Variants in GLIS3 observed in about 807,000 individuals in gnomAD.
The protein encoded by GLIS3 is GLIS family zinc finger 3.
In GLIS3, 53 loss-of-function variants were observed where a neutral mutation model predicts 78.6. The ratio of observed to expected loss-of-function variants is 0.67; its 90% CI spans 0.54 to 0.85. The LOEUF is 0.85. GLIS3 is among the 40% of genes least tolerant of loss of function. The pLI is 0.00. For synonymous variants in GLIS3, 684 were observed against 509.9 expected, an observed-to-expected ratio of 1.34 and a Z score of -4.60; for missense variants, 1,703 against 1,231.1, an observed-to-expected ratio of 1.38 and a Z score of -5.74.
At chr9:4,285,170 C>G (rs527701275) in intron 2 of GLIS3, among the ~76,000 whole-genome samples, 2 of 152,108 alleles carry the variant, frequency 1.3e-5, no homozygotes, top group African/African-American at 4.8e-5. Flanking sequence ...CTAAAAATAC[C>G]TTAAGGAATA....
At position 4,265,910 on chromosome 9, in the gene GLIS3, TTGTC is replaced by T. The variant is rs1454275952; in HGVS notation, c.388+20124_388+20127del. ...GCACTCACCCTGGTTTTTTTTTTGT[TTGTC>T]TGTTTGTTTGTTTGTTTGTTTGGAG... On this transcript the variant is annotated intron_variant, in intron 2 of 10. Coordinates refer to ENST00000381971, the MANE Select transcript of GLIS3 (RefSeq NM_001042413.2). Among the ~76,000 whole-genome samples the T allele has an allele frequency of 2.1e-3, 169 of 79,950 alleles. 1 individual carries two copies. The highest frequency in any genetic ancestry group is 3.0e-3 in the East Asian group (9 of 3,018). 52.5% of individuals were successfully genotyped at this position (79,950 alleles called of 152,430 possible).
the GLIS3 span, among the ~76,000 whole-genome samples, chr9:4,431,354 G>C: frequency 6.6e-6 from 1 of 152,144 alleles, no homozygotes; most frequent in African/African-American, 2.4e-5. Flanking sequence ...CTACCTACTG[G>C]AAAAAATAAC....
intron 4 of GLIS3, among the ~76,000 whole-genome samples, chr9:3,998,307 A>T (rs901773189): frequency 2.0e-5 from 3 of 152,190 alleles, no homozygotes; most frequent in Non-Finnish European, 2.9e-5. Flanking sequence ...ATGAGGTGTC[A>T]TTCTCCAGAC....
At chr9:4,322,993 A>G (rs551738875) in intron 2 of GLIS3, among the ~76,000 whole-genome samples, 1 of 152,248 alleles carries the variant, frequency 6.6e-6, no homozygotes, top group East Asian at 1.9e-4. Context: ...GCCCATGCCT[A>G]TGTCCTGAAT....
chr9:4,446,982 C>T, the GLIS3 span, among the ~76,000 whole-genome samples: 1 of 152,126 alleles, frequency 6.6e-6, no homozygotes, highest in African/African-American at 2.4e-5. Flanking sequence ...GATTCTTACT[C>T]TGCTACCCTT....
Position 4,261,994 on chromosome 9 carries a change from T to C in GLIS3, c.388+24044A>G, listed in dbSNP as rs574545999. Among the ~76,000 whole-genome samples the C allele has an allele frequency of 3.2e-4, 48 of 152,316 alleles. 1 individual carries two copies. Among genetic ancestry groups the C allele is most frequent in the Non-Finnish European group, 6.0e-4 (41 of 68,020 alleles). On this transcript the variant is annotated intron_variant, in intron 2 of 10. Transcript: ENST00000381971. ...CAAAGGGCTGTGTTCTAAAAGTTCCTGTGTAAGGTGGTTGTCTAGTGCTTA... is the reference window on the plus strand; with the variant it reads ...CAAAGGGCTGTGTTCTAAAAGTTCCCGTGTAAGGTGGTTGTCTAGTGCTTA...
At chr9:3,850,148 GC>G (rs1311639122) in intron 9 of GLIS3, among the ~76,000 whole-genome samples, 1 of 152,172 alleles carries the variant, frequency 6.6e-6, no homozygotes, top group Non-Finnish European at 1.5e-5. Context: ...GTTCAGTGTG[GC>G]TATAGGCTCC....
chr9:4,025,011 G>A (rs1312332023), intron 4 of GLIS3, among the ~76,000 whole-genome samples: 1 of 152,118 alleles, frequency 6.6e-6, no homozygotes, highest in Non-Finnish European at 1.5e-5. Context: ...CACTTTGGGA[G>A]GCCGAAGCGG....
intron 4 of GLIS3, among the ~76,000 whole-genome samples, chr9:4,046,277 G>C (rs931264933): frequency 6.6e-6 from 1 of 152,128 alleles, no homozygotes; most frequent in Admixed American, 6.5e-5. Context: ...TTTTCATCAT[G>C]CACCTATGTG....
intron 8 of GLIS3, among the ~76,000 whole-genome samples, chr9:3,870,507 C>T (rs575139698): frequency 6.6e-5 from 10 of 152,194 alleles, no homozygotes; most frequent in Non-Finnish European, 1.5e-4. Context: ...ATTGGACTTA[C>T]AGTTCCATGT....
At chr9:4,419,463 G>C in the GLIS3 span, among the ~76,000 whole-genome samples, 5 of 152,180 alleles carry the variant, frequency 3.3e-5, no homozygotes, top group African/African-American at 1.2e-4. Flanking sequence ...GGAGGAGCAA[G>C]AGAGAGGGAA....
the GLIS3 span, among the ~76,000 whole-genome samples, chr9:4,366,668 C>T: frequency 3.3e-5 from 5 of 152,290 alleles, no homozygotes; most frequent in African/African-American, 7.2e-5. Flanking sequence ...GCGATGGCGA[C>T]GAGGAGAGGC....
intron 4 of GLIS3, among the ~76,000 whole-genome samples, chr9:3,962,886 C>T (rs1817663871): frequency 1.4e-5 from 2 of 147,434 alleles, no homozygotes; most frequent in African/African-American, 5.0e-5. Context: ...CAGCCAAGAT[C>T]TGGATGTGAA....
chr9:4,284,158 T>C (rs753587494), intron 2 of GLIS3, among the ~76,000 whole-genome samples: 6 of 152,238 alleles, frequency 3.9e-5, no homozygotes, highest in Non-Finnish European at 8.8e-5. Flanking sequence ...TTACTTACTC[T>C]TTCTAGACCT....
At chr9:4,209,486 C>G (rs1004068336) in intron 2 of GLIS3, among the ~76,000 whole-genome samples, 6 of 152,194 alleles carry the variant, frequency 3.9e-5, no homozygotes, top group African/African-American at 1.4e-4. Flanking sequence ...GAAAGCTTCT[C>G]AAGATGGACT....
intron 9 of GLIS3, among the ~76,000 whole-genome samples, chr9:3,838,940 T>A (rs2130045736): frequency 1.3e-5 from 2 of 152,230 alleles, no homozygotes; most frequent in South Asian, 4.2e-4. Context: ...CTGAAAAAGC[T>A]CCTAGAGGGC....
chr9:4,418,831 T>G, the GLIS3 span, among the ~76,000 whole-genome samples: 2 of 152,256 alleles, frequency 1.3e-5, no homozygotes, highest in East Asian at 3.9e-4. Flanking sequence ...GTGGTACAGA[T>G]GAAGAGAAAA....
intron 2 of GLIS3, among the ~76,000 whole-genome samples, chr9:4,207,841 G>A (rs1373370103): frequency 6.6e-6 from 1 of 152,120 alleles, no homozygotes; most frequent in Non-Finnish European, 1.5e-5. Context: ...AAAAGCAAAG[G>A]GAATGATCTT....
intron 2 of GLIS3, among the ~76,000 whole-genome samples, chr9:4,170,843 C>T (rs533233118): frequency 6.6e-6 from 1 of 152,232 alleles, no homozygotes; most frequent in East Asian, 1.9e-4. Context: ...AAAAAATGTT[C>T]ATGAAATCCT....
Sources: gnomAD v4.1 joint callset for allele counts (sites outside exome capture counted in the v4.1 genomes callset) on GRCh38, gnomAD v4.1.1 for gene constraint, MANE v1.5 for transcripts, NCBI Gene and HGNC (gene_info 2026-07-23, HGNC 2026-07-21) for gene names.